Variants in HGD observed in about 807,000 individuals in gnomAD.
HGD encodes the protein homogentisate 1,2-dioxygenase.
A neutral mutation model predicts 60.8 loss-of-function variants in HGD; 61 were observed. The ratio of observed to expected loss-of-function variants is 1.00; its 90% confidence interval spans 0.82 to 1.24. The LOEUF (loss-of-function observed/expected upper bound fraction) is 1.24, where lower values mean the gene tolerates loss of function less well. Ranked by LOEUF, HGD falls within the 50% of genes most tolerant of loss-of-function variation. The pLI is 0.00. For missense variants in HGD, 542 were observed against 547.1 expected, an observed-to-expected ratio of 0.99 and a Z score of 0.09; for synonymous variants, 212 against 187.7, an observed-to-expected ratio of 1.13 and a Z score of -1.06.
intron 4 of HGD, among the ~76,000 whole-genome samples, chr3:120,669,805 C>T (rs576939387): frequency 6.6e-6 from 1 of 152,242 alleles, no homozygotes; most frequent in South Asian, 2.1e-4. Flanking sequence ...TGTGAATTGT[C>T]CTTTGCCCAA....
chr3:120,670,023 C>G (rs1707988921), intron 4 of HGD, among the ~76,000 whole-genome samples: 1 of 152,038 alleles, frequency 6.6e-6, no homozygotes, highest in Admixed American at 6.6e-5. Flanking sequence ...GGATGGTTAC[C>G]CTCATGATAG....
At chr3:120,677,615 G>A (rs1385297079) in intron 1 of HGD, among the ~76,000 whole-genome samples, 6 of 152,090 alleles carry the variant, frequency 3.9e-5, no homozygotes, top group African/African-American at 7.2e-5. Flanking sequence ...TTTTAATTTC[G>A]CCTCGGTCCT....
At chr3:120,651,613 G>A (rs542667199) in intron 5 of HGD, among the ~76,000 whole-genome samples, 5 of 152,326 alleles carry the variant, frequency 3.3e-5, no homozygotes, top group African/African-American at 9.6e-5. Context: ...AGAACTTCAA[G>A]ATGTTTCCAA....
chr3:120,633,558 G>C (rs182166673), intron 12 of HGD: 1 of 1,465,550 alleles, frequency 6.8e-7, no homozygotes, highest in Admixed American at 2.1e-5. Flanking sequence ...CAGAGGTCTC[G>C]AGTTCCACTC....
intron 4 of HGD, among the ~76,000 whole-genome samples, chr3:120,664,032 C>G (rs1707839911): frequency 6.6e-6 from 1 of 152,116 alleles, no homozygotes; most frequent in Non-Finnish European, 1.5e-5. Context: ...TTTGCCTATT[C>G]TCACTGGAGT....
intron 4 of HGD, among the ~76,000 whole-genome samples, chr3:120,658,652 C>T (rs1941571919): frequency 6.6e-6 from 1 of 152,240 alleles, no homozygotes; most frequent in Non-Finnish European, 1.5e-5. Context: ...AGCGGGGACT[C>T]TGTGTGGGAG....
In HGD at chr3:120,632,477, A is replaced by C. The variant is rs537016100; in HGVS notation, c.1188+670T>G. 1.3e-3 allele frequency among the ~76,000 whole-genome samples: 202 copies of C among 152,366 alleles called. 1 individual carries two copies. The highest frequency in any genetic ancestry group is 4.6e-3 in the African/African-American group (190 of 41,598). The stretch of plus-strand genomic sequence containing the variant: ...TTACAGCCTGACACAGGAAGAATAC[A>C]AAACAGGTTTTAAATCCCATCAGTT... On this transcript the variant is annotated intron_variant, in intron 13 of 13. Coordinates refer to ENST00000283871, the MANE Select transcript of HGD (RefSeq NM_000187.4).
rs781083870 is a variant in HGD, at chr3:120,638,444, G to C, written c.1006+11C>G. 7 of 1,613,780 alleles carry C rather than the reference G, an allele frequency of 4.3e-6. No individual in the cohort carries two copies. Among genetic ancestry groups the C allele is most frequent in the South Asian group, 1.1e-5 (1 of 91,078 alleles). On this transcript the variant is annotated intron_variant, in intron 12 of 13. Coordinates refer to ENST00000283871, the MANE Select transcript of HGD (RefSeq NM_000187.4). Reference sequence around the variant, plus strand: ...GGCTTGCAAATGTGGCTTGGTAAAAGAGAGACTTACTATGGTAATAAGGAG... The same window carrying C: ...GGCTTGCAAATGTGGCTTGGTAAAACAGAGACTTACTATGGTAATAAGGAG...
At position 120,650,786 on chromosome 3, in the gene HGD, G is replaced by C. The variant is rs1282802111; in HGVS notation, c.422C>G (p.Ser141Cys). The C allele has an allele frequency of 6.2e-7, 1 of 1,613,220 alleles. No individual in the cohort carries two copies. Among genetic ancestry groups the C allele is most frequent in the Admixed American group, 1.7e-5 (1 of 60,030 alleles). The change falls in exon 6 of 14, where the codon TCC becomes TGC. Residue 141 changes from serine (S) to cysteine (C), a missense_variant. By Grantham distance (112) the Ser-to-Cys change is moderately radical. Around this residue, in one of 2 missense-constraint regions of HGD, gnomAD observed 537 missense variants for 529.1 expected, o/e 1.01. Transcript: ENST00000283871. Reference sequence around the variant, plus strand: ...CTGAGCCACTTACCTGTTCTCCATGGAGGTATTGCAGAGGAAAATGTGGAT... The same window carrying C: ...CTGAGCCACTTACCTGTTCTCCATGCAGGTATTGCAGAGGAAAATGTGGAT... ...LAIHIFLCNT[S>C]MENRCFYNSD... is the part of the protein sequence containing the mutation.
At chr3:120,652,014 C>G (rs1289891210) in intron 5 of HGD, among the ~76,000 whole-genome samples, 1 of 152,124 alleles carries the variant, frequency 6.6e-6, no homozygotes, top group East Asian at 1.9e-4. Flanking sequence ...GTGCCTGTAA[C>G]TTTATCAATG....
intron 4 of HGD, among the ~76,000 whole-genome samples, chr3:120,653,497 GGGCTCAGCTCATTCTGTATTTCAGGGA>G (rs1350385252): frequency 6.6e-6 from 1 of 152,126 alleles, no homozygotes; most frequent in African/African-American, 2.4e-5. Flanking sequence ...TCAGGTCATA[GGGCTCAGCTCATTCTGTATTTCAGGGA>G]GGCAGCCAGA....
At chr3:120,656,987 A>G (rs1941518149) in intron 4 of HGD, among the ~76,000 whole-genome samples, 1 of 152,128 alleles carries the variant, frequency 6.6e-6, no homozygotes, top group Non-Finnish European at 1.5e-5. Flanking sequence ...TTTTTAAAAA[A>G]CTTTTTTTCC....
chr3:120,644,161 A>G (rs1192880914), intron 10 of HGD, among the ~76,000 whole-genome samples, 158 bp downstream of exon 10: 2 of 152,230 alleles, frequency 1.3e-5, no homozygotes, highest in African/African-American at 2.4e-5. Context: ...CTATGAAAGT[A>G]TAATTGACTA....
At chr3:120,632,992 G>T (rs1940635908) in intron 13 of HGD, among the ~76,000 whole-genome samples, 155 bp downstream of exon 13, 1 of 152,164 alleles carries the variant, frequency 6.6e-6, no homozygotes, top group African/African-American at 2.4e-5. Flanking sequence ...ACACAAGGAT[G>T]TGAGTATATA....
At chr3:120,664,025 G>A (rs1272103974) in intron 4 of HGD, among the ~76,000 whole-genome samples, 2 of 151,994 alleles carry the variant, frequency 1.3e-5, no homozygotes, top group East Asian at 3.9e-4. Context: ...ATTCAGATTT[G>A]CCTATTCTCA....
chr3:120,672,980 A>G (rs1156871891), intron 3 of HGD, among the ~76,000 whole-genome samples: 2 of 152,192 alleles, frequency 1.3e-5, no homozygotes, highest in Non-Finnish European at 2.9e-5. Context: ...GTACGTAGGT[A>G]GGTAGATAGA....
At chr3:120,663,618 G>T (rs1707829210) in intron 4 of HGD, among the ~76,000 whole-genome samples, 1 of 152,150 alleles carries the variant, frequency 6.6e-6, no homozygotes, top group East Asian at 1.9e-4. Context: ...TGGGAATCAT[G>T]CAATGTCATG....
At chr3:120,662,529 T>C in intron 4 of HGD, among the ~76,000 whole-genome samples, 1 of 152,148 alleles carries the variant, frequency 6.6e-6, no homozygotes, top group South Asian at 2.1e-4. Flanking sequence ...GGAGCAAGAC[T>C]GAGGAATCTA....
intron 4 of HGD, among the ~76,000 whole-genome samples, chr3:120,653,454 C>T (rs1341235105): frequency 6.6e-6 from 1 of 152,154 alleles, no homozygotes; most frequent in African/African-American, 2.4e-5. Context: ...CTGGCTGCAG[C>T]ACCTGGTCAA....
Sources: gnomAD v4.1 joint callset for allele counts (sites outside exome capture counted in the v4.1 genomes callset) on GRCh38, gnomAD v4.1.1 for gene constraint, gnomAD v4.1.1 regional missense constraint, MANE v1.5 for transcripts, NCBI Gene and HGNC (gene_info 2026-07-23, HGNC 2026-07-21) for gene names.